The following NGEF variants were observed in gnomAD, a reference collection of about 807,000 sequenced individuals.
NGEF encodes neuronal guanine nucleotide exchange factor.
In NGEF, 31 loss-of-function variants were observed where a neutral mutation model predicts 80.9. The ratio of observed to expected loss-of-function variants is 0.38; its 90% CI spans 0.29 to 0.52. The LOEUF (loss-of-function observed/expected upper bound fraction) is 0.52, where lower values mean the gene tolerates loss of function less well. Among genes scored for constraint, NGEF ranks in the 20% least tolerant of loss-of-function variants. The probability of loss-of-function intolerance (pLI) is 0.84; values close to 1 mark genes in which losing one functional copy is unlikely to be tolerated. For missense variants in NGEF, 709 were observed against 926.2 expected, an observed-to-expected ratio of 0.77 and a Z score of 3.04; for synonymous variants, 371 against 370.2, an observed-to-expected ratio of 1.00 and a Z score of -0.03.
At chr2:232,883,035 G>A (rs898016801) in intron 12 of NGEF, among the ~76,000 whole-genome samples, 7 of 150,880 alleles carry the variant, frequency 4.6e-5, no homozygotes, top group Non-Finnish European at 8.9e-5. Context: ...CTCGCCCAGA[G>A]TCTGAAGCCC....
At chr2:232,971,431 T>C (rs965487307) in intron 2 of NGEF, among the ~76,000 whole-genome samples, 11 of 152,332 alleles carry the variant, frequency 7.2e-5, no homozygotes, top group African/African-American at 2.4e-4. Flanking sequence ...ACGCCTGTAA[T>C]CCCAGCACTT....
intron 1 of NGEF, among the ~76,000 whole-genome samples, chr2:232,980,765 T>A (rs999279159): frequency 5.3e-5 from 8 of 152,140 alleles, no homozygotes; most frequent in African/African-American, 1.9e-4. Context: ...TCCCAGAGTG[T>A]TGGGATTACA....
chr2:232,893,002 A>G lies in NGEF; in HGVS notation c.1038T>C (p.Ser346=). 6.2e-7 allele frequency: 1 copy of G among 1,613,492 alleles called. No individual in the cohort carries two copies. The highest frequency in any genetic ancestry group is 2.2e-5 in the East Asian group (1 of 44,888). Residue 346 remains serine, a synonymous_variant, in exon 7 of 15, where the codon TCT becomes TCC. Coordinates refer to ENST00000264051, the MANE Select transcript of NGEF (RefSeq NM_019850.3). ...EHRMEENIVI[S]DVCDIVYRYA... is the part of the protein sequence containing the mutation. ...AACGGTACACAATGTCACACACGTC[A>G]GAGATGACGATGTTCTCCTCCATCC... is the stretch of plus-strand genomic sequence containing the variant.
intron 5 of NGEF, among the ~76,000 whole-genome samples, chr2:232,909,772 C>G (rs188404935): frequency 6.6e-6 from 1 of 152,270 alleles, no homozygotes; most frequent in Non-Finnish European, 1.5e-5. Context: ...CCATGCTCCC[C>G]GCATCCTTCA....
At chr2:232,990,980 C>T (rs1488740853) in intron 1 of NGEF, among the ~76,000 whole-genome samples, 4 of 152,048 alleles carry the variant, frequency 2.6e-5, no homozygotes, top group African/African-American at 9.7e-5. Flanking sequence ...GGGACAAAAA[C>T]ATGATCATCT....
intron 3 of NGEF, among the ~76,000 whole-genome samples, chr2:232,930,775 G>A (rs1035419007): frequency 5.3e-5 from 8 of 152,144 alleles, no homozygotes; most frequent in Non-Finnish European, 1.0e-4. Flanking sequence ...TGAATGTTGC[G>A]GGAGACACAG....
intron 1 of NGEF, among the ~76,000 whole-genome samples, chr2:232,986,982 A>G (rs896361785): frequency 2.0e-5 from 3 of 152,190 alleles, no homozygotes; most frequent in South Asian, 2.1e-4. Flanking sequence ...GCATAAATCA[A>G]GTGTTGGAGG....
At chr2:232,880,203 T>A (rs1574980372) in intron 14 of NGEF, among the ~76,000 whole-genome samples, 1 of 152,082 alleles carries the variant, frequency 6.6e-6, no homozygotes, top group Non-Finnish European at 1.5e-5. Flanking sequence ...GTGGAGAGGG[T>A]GCATCAGGAA....
At chr2:232,999,650 G>A (rs970828128) in intron 1 of NGEF, among the ~76,000 whole-genome samples, 1 of 152,214 alleles carries the variant, frequency 6.6e-6, no homozygotes, top group Non-Finnish European at 1.5e-5. Context: ...GCGAGCCTCC[G>A]CCCTTGGCAA....
chr2:232,962,209 C>G (rs1693967107), intron 3 of NGEF, among the ~76,000 whole-genome samples: 1 of 152,168 alleles, frequency 6.6e-6, no homozygotes, highest in Non-Finnish European at 1.5e-5. Context: ...TGCAATAAGG[C>G]AAGAGAAACA....
chr2:232,888,290 G>A (rs1029688758), intron 8 of NGEF, among the ~76,000 whole-genome samples, 183 bp from the exon 9 acceptor site: 1 of 150,492 alleles, frequency 6.6e-6, no homozygotes, highest in African/African-American at 2.4e-5. Context: ...ACCTGCGTGT[G>A]CACACACGTG....
At chr2:232,879,920 C>T (rs923837613) in intron 14 of NGEF, among the ~76,000 whole-genome samples, 5 of 152,180 alleles carry the variant, frequency 3.3e-5, no homozygotes, top group African/African-American at 4.8e-5. Context: ...CGCAGTTCCA[C>T]GTTGACTTTG....
At chr2:233,003,961 T>C (rs1447002481) in intron 1 of NGEF, among the ~76,000 whole-genome samples, 1 of 152,140 alleles carries the variant, frequency 6.6e-6, no homozygotes, top group Non-Finnish European at 1.5e-5. Flanking sequence ...GACCCAGCAT[T>C]TAATGCATGT....
intron 3 of NGEF, among the ~76,000 whole-genome samples, chr2:232,935,102 G>C (rs922894324): frequency 2.0e-5 from 3 of 152,114 alleles, no homozygotes; most frequent in African/African-American, 7.2e-5. Context: ...TTTATCTAAA[G>C]ATTATTTTTT....
intron 1 of NGEF, among the ~76,000 whole-genome samples, chr2:232,990,578 A>G (rs1372396379): frequency 1.3e-5 from 2 of 152,132 alleles, no homozygotes; most frequent in Admixed American, 1.3e-4. Context: ...CAATATAGAT[A>G]ATAAAGAGAG....
chr2:232,962,332 T>A (rs958617103), intron 3 of NGEF, among the ~76,000 whole-genome samples: 5 of 152,182 alleles, frequency 3.3e-5, no homozygotes, highest in Admixed American at 2.0e-4. Flanking sequence ...AGATCAGGCG[T>A]TCAAGACCAG....
chr2:232,954,931 A>G (rs1249557653), intron 3 of NGEF, among the ~76,000 whole-genome samples: 1 of 152,110 alleles, frequency 6.6e-6, no homozygotes, highest in Non-Finnish European at 1.5e-5. Context: ...ATCGAGACAT[A>G]GTAACAGGTC....
At chr2:232,915,144 G>C (rs1004946894) in intron 5 of NGEF, among the ~76,000 whole-genome samples, 5 of 152,118 alleles carry the variant, frequency 3.3e-5, no homozygotes, top group Admixed American at 3.3e-4. Context: ...GAGTCCTCTG[G>C]GTGCCACATC....
In NGEF at chr2:232,943,392, T is replaced by A. The variant is rs138480293; in HGVS notation, c.384-16206A>T. On this transcript the variant is annotated intron_variant, in intron 3 of 14. Coordinates refer to ENST00000264051, the MANE Select transcript of NGEF (RefSeq NM_019850.3). ...GAGAAAATTTCTTCTCGTTGAAAAC[T>A]CCTGAGAATATATCCTGTCCCTTCC... Among the ~76,000 whole-genome samples the A allele has an allele frequency of 6.3e-4, 96 of 152,198 alleles. No homozygotes were observed. The South Asian group carries it at 7.1e-3, about 11-fold the overall frequency.
Sources: gnomAD v4.1 joint callset for allele counts (sites outside exome capture counted in the v4.1 genomes callset) on GRCh38, gnomAD v4.1.1 for gene constraint, MANE v1.5 for transcripts, NCBI Gene and HGNC (gene_info 2026-07-23, HGNC 2026-07-21) for gene names.